EYA1: variants seen among roughly 807,000 people sequenced by gnomAD.
The protein encoded by EYA1 is protein phosphatase EYA1.
A neutral mutation model predicts 82.0 loss-of-function variants in EYA1; 16 were observed. The observed-to-expected ratio is 0.20, with a 90% CI of 0.13 to 0.30. The LOEUF is 0.30. Among genes scored for constraint, EYA1 ranks in the 10% least tolerant of loss-of-function variants. The pLI is 1.00. For missense variants in EYA1, 633 were observed against 730.7 expected (o/e 0.87, Z 1.54); for synonymous variants, 261 against 264.4 (o/e 0.99, Z 0.12).
intron 2 of EYA1, among the ~76,000 whole-genome samples, chr8:71,513,564 G>A (rs1480953343): frequency 6.6e-6 from 1 of 151,878 alleles, no homozygotes; most frequent in Non-Finnish European, 1.5e-5. Context: ...GGGTAAATGG[G>A]GCAACCATCC....
intron 2 of EYA1, among the ~76,000 whole-genome samples, chr8:71,528,922 G>A (rs143893652): frequency 1.3e-3 from 191 of 152,276 alleles, no homozygotes; most frequent in African/African-American, 4.4e-3. Flanking sequence ...GACTTTAAAT[G>A]TCCTGCCCTT....
Position 71,387,001 on chromosome 8 carries a change from G to C in EYA1, c.34-30490C>G, listed in dbSNP as rs949146328. On this transcript the variant is annotated intron_variant, in intron 2 of 18. Coordinates refer to the EYA1 transcript ENST00000643681. ...TTAGCCATGTCAATAAACATTTTCT[G>C]GTTCCTCATGTGACAAGATTGTACC... Among the ~76,000 whole-genome samples, 4 of 152,160 alleles carry C rather than the reference G, an allele frequency of 2.6e-5. No individual in the cohort carries two copies. In the South Asian group the frequency reaches 8.3e-4, roughly 32 times the overall value.
intron 2 of EYA1, among the ~76,000 whole-genome samples, chr8:71,395,528 T>C (rs534690577): frequency 5.3e-4 from 81 of 152,332 alleles, no homozygotes; most frequent in Non-Finnish European, 1.0e-3. Flanking sequence ...TCAAAGGCCT[T>C]TTCTGCATCT....
chr8:71,400,042 G>A (rs78607660), intron 2 of EYA1, among the ~76,000 whole-genome samples: 27 of 152,216 alleles, frequency 1.8e-4, no homozygotes, highest in African/African-American at 6.5e-4. Context: ...ACAGCAATGG[G>A]GAAAGGATTC....
chr8:71,315,479 C>G (rs530467157), intron 7 of EYA1, among the ~76,000 whole-genome samples: 1 of 152,272 alleles, frequency 6.6e-6, no homozygotes, highest in South Asian at 2.1e-4. Flanking sequence ...ACCTGGATAC[C>G]ACGGGCACCC....
At chr8:71,372,582 C>A (rs1412562546) in intron 2 of EYA1, among the ~76,000 whole-genome samples, 1 of 152,054 alleles carries the variant, frequency 6.6e-6, no homozygotes, top group Non-Finnish European at 1.5e-5. Flanking sequence ...AGAATGATAG[C>A]TATACCCTAG....
chr8:71,454,320 T>A (rs1051341131), intron 2 of EYA1, among the ~76,000 whole-genome samples: 1 of 152,268 alleles, frequency 6.6e-6, no homozygotes, highest in South Asian at 2.1e-4. Context: ...ACAATAATAA[T>A]GGGAGACTTT....
At chr8:71,297,709 T>C (rs1051802697) in intron 9 of EYA1, among the ~76,000 whole-genome samples, 2 of 152,148 alleles carry the variant, frequency 1.3e-5, no homozygotes, top group African/African-American at 2.4e-5. Context: ...TAAGAACTCC[T>C]ATAATAAATT....
intron 2 of EYA1, chr8:71,404,806 TACTC>T (rs1830127675): frequency 6.6e-6 from 1 of 152,420 alleles, no homozygotes; most frequent in East Asian, 1.9e-4. Flanking sequence ...TAGTCCCAGT[TACTC>T]AGGAGGCTGA....
intron 2 of EYA1, among the ~76,000 whole-genome samples, chr8:71,418,950 A>G (rs376579269): frequency 6.6e-6 from 1 of 152,158 alleles, no homozygotes; most frequent in Admixed American, 6.6e-5. Context: ...AGAAGGCCTT[A>G]AGGTTAGAAT....
chr8:71,447,105 A>T (rs1453559276), intron 2 of EYA1, among the ~76,000 whole-genome samples: 2 of 148,960 alleles, frequency 1.3e-5, no homozygotes, highest in African/African-American at 2.5e-5. Context: ...TATATATATA[A>T]AATTAGTGAT....
intron 2 of EYA1, among the ~76,000 whole-genome samples, chr8:71,372,538 T>C (rs1250953262): frequency 6.6e-6 from 1 of 152,058 alleles, no homozygotes; most frequent in African/African-American, 2.4e-5. Flanking sequence ...GAAAGATGAA[T>C]ATAATTTCTG....
rs562537678 is a variant in EYA1 at position 71,503,235 on chromosome 8, C to T, written c.33+32509G>A. On this transcript the variant is annotated intron_variant, in intron 2 of 18. Transcript: ENST00000643681. Reference sequence around the variant, plus strand: ...GATCAGCTGGGTGCGGTGGCTCATGCCTGTAATCCAGGCACTTTGGGAGTC... The same window carrying T: ...GATCAGCTGGGTGCGGTGGCTCATGTCTGTAATCCAGGCACTTTGGGAGTC... Among the ~76,000 whole-genome samples, 6 of 152,216 alleles carry T rather than the reference C, an allele frequency of 3.9e-5. No homozygotes were observed. The South Asian group carries it at 1.2e-3, about 32-fold the overall frequency.
intron 2 of EYA1, among the ~76,000 whole-genome samples, chr8:71,440,536 C>A (rs1806349003): frequency 6.6e-6 from 1 of 151,996 alleles, no homozygotes. Flanking sequence ...TCAGGATGGC[C>A]CATTTTTTGA....
rs971402535 is a variant in EYA1, at chr8:71,536,476, T to G, written c.-72-628A>C. Among the ~76,000 whole-genome samples the G allele has an allele frequency of 2.0e-5, 3 of 152,184 alleles. No homozygotes were observed. The East Asian group carries it at 5.8e-4, about 29-fold the overall frequency. ...TTCAAAACATGGACAGTAAATGTGGTATTTTCAAATATATTCTACATGTAG... is the reference window on the plus strand; with the variant it reads ...TTCAAAACATGGACAGTAAATGTGGGATTTTCAAATATATTCTACATGTAG... On this transcript the variant is annotated intron_variant, in intron 1 of 18. Transcript: ENST00000643681.
At chr8:71,407,219 T>A (rs1187248718) in intron 2 of EYA1, among the ~76,000 whole-genome samples, 8 of 146,326 alleles carry the variant, frequency 5.5e-5, no homozygotes, top group African/African-American at 1.5e-4. Flanking sequence ...GGAAAACCCA[T>A]CTGTACATCA....
At chr8:71,317,770 G>T in intron 6 of EYA1, 81 bp from the exon 7 acceptor site, 1 of 1,316,000 alleles carries the variant, frequency 7.6e-7, no homozygotes, top group Non-Finnish European at 1.1e-6. Context: ...TTCCACAACC[G>T]TTTAACTACA....
chr8:71,386,969 TGGG>T (rs1586604197), intron 2 of EYA1, among the ~76,000 whole-genome samples: 1 of 152,228 alleles, frequency 6.6e-6, no homozygotes, highest in Non-Finnish European at 1.5e-5. Context: ...ATTGAGCAGA[TGGG>T]GGATTAGCCA....
At chr8:71,528,381 G>A (rs1056825505) in intron 2 of EYA1, among the ~76,000 whole-genome samples, 9 of 152,160 alleles carry the variant, frequency 5.9e-5, no homozygotes, top group African/African-American at 2.2e-4. Flanking sequence ...CACTGTCCTG[G>A]CTCTGGAGTA....
Sources: gnomAD v4.1 joint callset for allele counts (sites outside exome capture counted in the v4.1 genomes callset) on GRCh38, gnomAD v4.1.1 for gene constraint, MANE v1.5 for transcripts, NCBI Gene and HGNC (gene_info 2026-07-23, HGNC 2026-07-21) for gene names.